UBE2D2: variants seen among roughly 807,000 people sequenced by gnomAD.
UBE2D2 encodes ubiquitin conjugating enzyme E2 D2, also known as ubiquitin-conjugating enzyme E2 D2.
Under a neutral mutation model 24.2 loss-of-function variants are expected in UBE2D2, and 2 were observed. The ratio of observed to expected loss-of-function variants is 0.08; its 90% CI spans 0.03 to 0.26. UBE2D2 has a LOEUF of 0.26. Among genes scored for constraint, UBE2D2 ranks in the 10% least tolerant of loss-of-function variants. The pLI is 1.00. For synonymous variants in UBE2D2, 58 were observed against 56.5 expected (o/e 1.03, Z -0.12); for missense variants, 44 against 177.6 (o/e 0.25, Z 4.28).
chr5:139,529,589 G>A (rs1750872339), intron 1 of UBE2D2, among the ~76,000 whole-genome samples: 2 of 152,068 alleles, frequency 1.3e-5, no homozygotes, highest in African/African-American at 4.8e-5. Flanking sequence ...GCACAAGTGG[G>A]AGCTGCATCC....
chr5:139,542,312 C>A (rs183316895), intron 1 of UBE2D2, among the ~76,000 whole-genome samples: 15 of 152,258 alleles, frequency 9.9e-5, no homozygotes, highest in Non-Finnish European at 1.9e-4. Context: ...TGGAAGAATT[C>A]TATTAAGAGA....
At chr5:139,554,007 T>C (rs1301605146) in intron 1 of UBE2D2, among the ~76,000 whole-genome samples, 1 of 152,136 alleles carries the variant, frequency 6.6e-6, no homozygotes, top group East Asian at 1.9e-4. Context: ...CTTGAACTTC[T>C]GACCTCAGGT....
intron 1 of UBE2D2, among the ~76,000 whole-genome samples, chr5:139,571,338 C>T (rs959168451): frequency 2.0e-5 from 3 of 146,926 alleles, no homozygotes; most frequent in African/African-American, 7.6e-5. Context: ...ACCCAAGAGG[C>T]GGAGGTTGCA....
upstream of UBE2D2, chr5:139,561,082 G>A (rs1207550155): frequency 1.3e-5 from 2 of 152,718 alleles, no homozygotes. Flanking sequence ...ACGCGCGTGG[G>A]TTTCCATCAG....
chr5:139,564,291 T>C (rs1346514931), intron 1 of UBE2D2, among the ~76,000 whole-genome samples: 3 of 151,992 alleles, frequency 2.0e-5, no homozygotes, highest in Non-Finnish European at 4.4e-5. Flanking sequence ...GTAGCTGGGA[T>C]TACAGGCACG....
intron 6 of UBE2D2, among the ~76,000 whole-genome samples, chr5:139,624,705 C>G (rs980196714): frequency 6.6e-6 from 1 of 152,180 alleles, no homozygotes; most frequent in African/African-American, 2.4e-5. Context: ...TGCTTAAACT[C>G]AGGACGTTTA....
rs1754467020 is a variant in UBE2D2, at chr5:139,619,052, CATTTGATTATATGTTTTTAGAAGTG to C, written c.304+4088_304+4112del. Among the ~76,000 whole-genome samples the C allele has an allele frequency of 5.3e-5, 8 of 152,090 alleles. No individual in the cohort carries two copies. The South Asian group carries it at 1.7e-3, about 32-fold the overall frequency. ...GAAGCAGATAAGTGTGCCATAAAGC[CATTTGATTATATGTTTTTAGAAGTG>C]AAAGTAACTGTTGCTGTAACACTAG... On this transcript the variant is annotated intron_variant, in intron 5 of 6. Coordinates refer to ENST00000398733, the MANE Select transcript of UBE2D2 (RefSeq NM_003339.3).
At chr5:139,599,532 T>G (rs1321073764) in intron 1 of UBE2D2, 1 of 151,728 alleles carries the variant, frequency 6.6e-6, no homozygotes, top group Admixed American at 6.6e-5. Context: ...GTCAGGAGAT[T>G]GAGATCATCC....
In UBE2D2 at chr5:139,626,947, G is replaced by A. The variant is rs1754643004; in HGVS notation, c.*146G>A. ...TGTTTACCTGATACAGCAGTGCTGC[G>A]TGTTGTACATACTTGGAACAACAAA... On this transcript the variant is annotated 3_prime_UTR_variant, in exon 7 of 7. Transcript: ENST00000398733. 2 of 634,620 alleles carry A rather than the reference G, an allele frequency of 3.2e-6. No individual in the cohort carries two copies. The highest frequency in any genetic ancestry group is 2.9e-5 in the Admixed American group (1 of 34,226). 39.3% of individuals were successfully genotyped at this position (634,620 alleles called of 1,614,324 possible). A position where few individuals can be genotyped will look rare whatever the true frequency, so the allele number is the denominator to read the frequency against.
intron 2 of UBE2D2, among the ~76,000 whole-genome samples, chr5:139,609,376 C>CTT (rs371370988): frequency 0.023 from 3,405 of 146,360 alleles, 63 homozygotes; most frequent in Non-Finnish European, 0.036. Context: ...GACCCCATCT[C>CTT]TTTTTTTTTT....
chr5:139,539,047 T>C (rs28503888), intron 1 of UBE2D2, among the ~76,000 whole-genome samples: 151,691 of 151,986 alleles, frequency 1, 75,705 homozygotes, highest in Middle Eastern at 1. Flanking sequence ...TTTTTTGAGA[T>C]GGCGTCTCGC....
intron 1 of UBE2D2, among the ~76,000 whole-genome samples, chr5:139,584,194 T>G (rs1447778390): frequency 6.6e-6 from 1 of 152,154 alleles, no homozygotes; most frequent in Non-Finnish European, 1.5e-5. Context: ...ACCATACCTT[T>G]TCTGTTTAGA....
Position 139,572,485 on chromosome 5 carries a change from A to C in UBE2D2, c.24+10670A>C, listed in dbSNP as rs114344416. Among the ~76,000 whole-genome samples, 565 of 151,984 alleles carry C rather than the reference A, an allele frequency of 3.7e-3. 3 individuals are homozygous for C. The highest frequency in any genetic ancestry group is 0.013 in the African/African-American group (534 of 41,458). Reference sequence around the variant, plus strand: ...GTGGCATGTGCCTGTAATCCCTGCTACTCAAAAGGCCAAGACAGGAGGATC... The same window carrying C: ...GTGGCATGTGCCTGTAATCCCTGCTCCTCAAAAGGCCAAGACAGGAGGATC... On this transcript the variant is annotated intron_variant, in intron 1 of 6. Coordinates refer to ENST00000398733, the MANE Select transcript of UBE2D2 (RefSeq NM_003339.3).
chr5:139,571,175 G>A (rs1388531303), intron 1 of UBE2D2, among the ~76,000 whole-genome samples: 3 of 151,950 alleles, frequency 2.0e-5, no homozygotes, highest in Non-Finnish European at 4.4e-5. Flanking sequence ...TTGGGAGGCC[G>A]AGGCGGGTGG....
intron 5 of UBE2D2, among the ~76,000 whole-genome samples, chr5:139,619,884 TGGCTCACAGTTCTGTG>T (rs1463969958): frequency 6.6e-6 from 1 of 150,728 alleles, no homozygotes; most frequent in Non-Finnish European, 1.5e-5. Flanking sequence ...GAGGTTTAAT[TGGCTCACAGTTCTGTG>T]GGCTATACAG....
chr5:139,620,609 A>G (rs1171668845), intron 5 of UBE2D2, among the ~76,000 whole-genome samples: 3 of 152,210 alleles, frequency 2.0e-5, no homozygotes, highest in Admixed American at 2.0e-4. Flanking sequence ...TTTTTAAAAA[A>G]ACTTTTCATA....
At chr5:139,565,487 C>T (rs1336089465) in intron 1 of UBE2D2, among the ~76,000 whole-genome samples, 1 of 152,182 alleles carries the variant, frequency 6.6e-6, no homozygotes, top group African/African-American at 2.4e-5. Flanking sequence ...CTTTTTAGGT[C>T]TTCAGCCTTG....
At chr5:139,624,909 A>T (rs1308815092) in intron 6 of UBE2D2, among the ~76,000 whole-genome samples, 1 of 152,086 alleles carries the variant, frequency 6.6e-6, no homozygotes, top group African/African-American at 2.4e-5. Context: ...TTATTGTCAA[A>T]TTTTTTTGAT....
At chr5:139,546,816 TTCTTCCTTC>T (rs1752834771) in intron 1 of UBE2D2, among the ~76,000 whole-genome samples, 2 of 111,772 alleles carry the variant, frequency 1.8e-5, no homozygotes, top group South Asian at 3.8e-4. Context: ...TCTTCTTTCT[TTCTTCCTTC>T]CTTCCTTCCT....
Sources: gnomAD v4.1 joint callset for allele counts (sites outside exome capture counted in the v4.1 genomes callset) on GRCh38, gnomAD v4.1.1 for gene constraint, MANE v1.5 for transcripts, NCBI Gene and HGNC (gene_info 2026-07-23, HGNC 2026-07-21) for gene names.